The following EPB41L3 variants were observed in gnomAD, a reference collection of about 807,000 sequenced individuals.
EPB41L3 encodes the protein erythrocyte membrane protein band 4.1 like 3.
A neutral mutation model predicts 127.1 loss-of-function variants in EPB41L3; 57 were observed. That is an observed-to-expected ratio of 0.45 (90% confidence interval 0.36 to 0.56). The LOEUF (loss-of-function observed/expected upper bound fraction) is 0.56, where lower values mean the gene tolerates loss of function less well. Ranked by LOEUF, EPB41L3 falls within the 20% of genes least tolerant of loss-of-function variation. EPB41L3 has a pLI of 0.00. For synonymous variants in EPB41L3, 572 were observed against 549.5 expected, an observed-to-expected ratio of 1.04 and a Z score of -0.57; for missense variants, 1,273 against 1,372.2, an observed-to-expected ratio of 0.93 and a Z score of 1.14.
At chr18:5,443,800 C>T in intron 5 of EPB41L3, 38 bp downstream of exon 5, 1 of 1,585,410 alleles carries the variant, frequency 6.3e-7, no homozygotes, top group Non-Finnish European at 8.6e-7. Context: ...CTCTGAAAAC[C>T]TTCACATTTC....
chr18:5,500,324 T>C (rs2091626920), intron 1 of EPB41L3, among the ~76,000 whole-genome samples: 1 of 152,152 alleles, frequency 6.6e-6, no homozygotes. Context: ...TATTTTTCTA[T>C]TCCCCAACAT....
At chr18:5,569,847 C>T (rs1280491951) in intron 3 of EPB41L3, among the ~76,000 whole-genome samples, 1 of 152,110 alleles carries the variant, frequency 6.6e-6, no homozygotes, top group African/African-American at 2.4e-5. Flanking sequence ...TACTCTAGCT[C>T]GATGAACTTT....
At position 5,543,384 on chromosome 18, in the gene EPB41L3, C is replaced by T. The variant is rs1407412911; in HGVS notation, c.-12+529G>A. 6.8e-6 allele frequency: 1 copy of T among 147,694 alleles called. No homozygotes were observed. The highest frequency in any genetic ancestry group is 2.4e-5 in the African/African-American group (1 of 40,954). The allele number at this position is 147,694 out of a possible 1,614,324, so 9.1% of individuals were successfully genotyped here. ...GCCCGCTGCCGCCGCGCGCTGAGCG[C>T]AGGGCCCCTCCCGCGGCCCGCCAGC... On this transcript the variant is annotated intron_variant, in intron 1 of 22. Transcript: ENST00000341928. This position sits in a 1 kb window ranked among gnomAD's most constrained non-coding sequence, Gnocchi z 5.2.
chr18:5,498,380 G>C (rs1264635149), intron 1 of EPB41L3, among the ~76,000 whole-genome samples: 2 of 151,956 alleles, frequency 1.3e-5, no homozygotes, highest in Admixed American at 6.6e-5. Flanking sequence ...GATCACCTGA[G>C]GTAAGAAGTT....
At chr18:5,424,462 TTTAC>T (rs1205341275) in intron 9 of EPB41L3, 103 bp from the exon 10 acceptor site, 2 of 864,830 alleles carry the variant, frequency 2.3e-6, no homozygotes, top group Middle Eastern at 3.1e-4. Context: ...ATTTTAAAAA[TTTAC>T]TTACTAGATC....
At position 5,598,123 on chromosome 18, in the gene EPB41L3, G is replaced by A. The variant is rs1599209992; in HGVS notation, c.-306+14217C>T. On this transcript the variant is annotated intron_variant, in intron 3 of 21. Transcript: ENST00000545076. Reference sequence around the variant, plus strand: ...CTCCAACTGAGGCCCAGGAACCCCTGGGGGTTCCTTGAAACCCTTATCTGA... The same window carrying A: ...CTCCAACTGAGGCCCAGGAACCCCTAGGGGTTCCTTGAAACCCTTATCTGA... Among the ~76,000 whole-genome samples the A allele has an allele frequency of 2.0e-5, 3 of 152,066 alleles. No individual in the cohort carries two copies. In the South Asian group the frequency reaches 6.2e-4, roughly 32 times the overall value.
intron 3 of EPB41L3, among the ~76,000 whole-genome samples, chr18:5,561,029 G>GT: frequency 7.7e-6 from 1 of 129,272 alleles, no homozygotes; most frequent in Non-Finnish European, 1.7e-5. Flanking sequence ...CCAGGCTGGA[G>GT]TGCAGTGGCG....
intron 3 of EPB41L3, among the ~76,000 whole-genome samples, chr18:5,470,462 G>T (rs993658239): frequency 6.6e-6 from 1 of 152,170 alleles, no homozygotes; most frequent in Non-Finnish European, 1.5e-5. Context: ...AAACCAACAT[G>T]CATTAAGACA....
chr18:5,404,111 T>C (rs1390991018), intron 16 of EPB41L3, among the ~76,000 whole-genome samples: 5 of 152,064 alleles, frequency 3.3e-5, no homozygotes, highest in African/African-American at 4.8e-5. Context: ...TGGAGAAGAG[T>C]AGAAGAGAGG....
At chr18:5,554,371 C>A (rs2094005316) in intron 3 of EPB41L3, among the ~76,000 whole-genome samples, 1 of 152,120 alleles carries the variant, frequency 6.6e-6, no homozygotes, top group Admixed American at 6.5e-5. Flanking sequence ...ATATGGGACT[C>A]TTTTGGAAGG....
At chr18:5,530,203 T>C (rs963695084) in intron 1 of EPB41L3, among the ~76,000 whole-genome samples, 4 of 152,162 alleles carry the variant, frequency 2.6e-5, no homozygotes, top group East Asian at 3.9e-4. Context: ...TATAGATTGA[T>C]ATATTGTGAT....
intron 3 of EPB41L3, among the ~76,000 whole-genome samples, chr18:5,590,360 G>A (rs2094475192): frequency 6.6e-6 from 1 of 152,162 alleles, no homozygotes; most frequent in African/African-American, 2.4e-5. Flanking sequence ...GCCACTGTAT[G>A]TGTATTAGAA....
intron 8 of EPB41L3, among the ~76,000 whole-genome samples, chr18:5,430,590 T>A (rs1352488641): frequency 6.7e-6 from 1 of 148,654 alleles, no homozygotes; most frequent in Non-Finnish European, 1.5e-5. Context: ...TGAGGCAGGG[T>A]CTCCCTCTGT....
intron 5 of EPB41L3, among the ~76,000 whole-genome samples, chr18:5,442,630 T>G (rs902061628): frequency 1.3e-5 from 2 of 152,206 alleles, no homozygotes; most frequent in African/African-American, 4.8e-5. Context: ...ATGTTCTTAT[T>G]AATAAACTGC....
At chr18:5,452,772 T>A (rs2082455176) in intron 3 of EPB41L3, among the ~76,000 whole-genome samples, 1 of 134,934 alleles carries the variant, frequency 7.4e-6, no homozygotes, top group African/African-American at 2.8e-5. Flanking sequence ...CAGAAATGTT[T>A]AAAAATTTGT....
chr18:5,617,875 G>A (rs1378819987), intron 1 of EPB41L3, among the ~76,000 whole-genome samples: 1 of 152,172 alleles, frequency 6.6e-6, no homozygotes, highest in African/African-American at 2.4e-5. Flanking sequence ...GGCACTAGAA[G>A]ACAGATGAGG....
At chr18:5,426,132 C>T (rs2078143927) in intron 9 of EPB41L3, among the ~76,000 whole-genome samples, 1 of 152,132 alleles carries the variant, frequency 6.6e-6, no homozygotes, top group Non-Finnish European at 1.5e-5. Context: ...TAGTTTTGGG[C>T]CTTTTCTTTC....
upstream of EPB41L3, among the ~76,000 whole-genome samples, chr18:5,545,837 C>T (rs1719968): frequency 0.24 from 36,015 of 150,946 alleles, 5,911 homozygotes; most frequent in African/African-American, 0.47. Flanking sequence ...GTATTAGAGA[C>T]ATATATGCAC....
At chr18:5,473,692 A>T (rs2086596063) in intron 3 of EPB41L3, among the ~76,000 whole-genome samples, 1 of 152,114 alleles carries the variant, frequency 6.6e-6, no homozygotes, top group Non-Finnish European at 1.5e-5. Context: ...AGATATTTTT[A>T]TTTATTTTCT....
Sources: allele counts gnomAD v4.1 joint callset (sites outside exome capture counted in the v4.1 genomes callset), GRCh38; gene constraint gnomAD v4.1.1; non-coding constraint Gnocchi (gnomAD v3.1); transcripts MANE v1.5; gene names NCBI Gene and HGNC (gene_info 2026-07-23, HGNC 2026-07-21).